Variants in ZNF608 observed in about 807,000 individuals in gnomAD.
The protein encoded by ZNF608 is zinc finger protein 608.
In ZNF608, 12 loss-of-function variants were observed where a neutral mutation model predicts 109.0. The observed-to-expected ratio is 0.11, with a 90% CI of 0.07 to 0.18. ZNF608 has a LOEUF of 0.18. Among genes scored for constraint, ZNF608 ranks in the 10% least tolerant of loss-of-function variants. ZNF608 has a pLI of 1.00. For missense variants in ZNF608, 1,707 were observed against 1,879.3 expected, an observed-to-expected ratio of 0.91 and a Z score of 1.70; for synonymous variants, 732 against 717.4, an observed-to-expected ratio of 1.02 and a Z score of -0.33.
intron 8 of ZNF608, among the ~76,000 whole-genome samples, chr5:124,640,386 C>T (rs536289443): frequency 4.3e-4 from 65 of 152,242 alleles, no homozygotes; most frequent in South Asian, 1.2e-3. Flanking sequence ...AGAAAGCACA[C>T]GAGGGCTCCC....
Position 124,745,027 on chromosome 5 carries a change from C to T in ZNF608, c.-38G>A, listed in dbSNP as rs1177365149. Reference sequence around the variant, plus strand: ...CTCTCTAGAATAAAAATCCGATGAACTTTTCTTTGGAGATGAGGGGACATT... The same window carrying T: ...CTCTCTAGAATAAAAATCCGATGAATTTTTCTTTGGAGATGAGGGGACATT... On this transcript the variant is annotated 5_prime_UTR_variant, in exon 2 of 10. Coordinates refer to ENST00000513986, the MANE Select transcript of ZNF608 (RefSeq NM_020747.3). 2.6e-6 allele frequency: 4 copies of T among 1,551,822 alleles called. No homozygotes were observed. The Admixed American group carries it at 5.9e-5, about 23-fold the overall frequency.
At chr5:124,702,161 T>C (rs1054326737) in intron 2 of ZNF608, among the ~76,000 whole-genome samples, 1 of 152,220 alleles carries the variant, frequency 6.6e-6, no homozygotes, top group Non-Finnish European at 1.5e-5. Flanking sequence ...GGCTATGCCA[T>C]GTACTAAACA....
chr5:124,737,547 CT>C (rs1749208354), intron 2 of ZNF608, among the ~76,000 whole-genome samples: 1 of 152,138 alleles, frequency 6.6e-6, no homozygotes. Context: ...TTTAGTTTCA[CT>C]GGGGGGAAAA....
At chr5:124,740,273 C>G (rs555251718) in intron 2 of ZNF608, among the ~76,000 whole-genome samples, 36 of 152,208 alleles carry the variant, frequency 2.4e-4, no homozygotes, top group African/African-American at 8.7e-4. Flanking sequence ...CTCAAAAAGC[C>G]CTGTCACCCT....
intron 3 of ZNF608, among the ~76,000 whole-genome samples, chr5:124,687,648 G>A (rs1021670963): frequency 3.3e-5 from 5 of 152,186 alleles, no homozygotes; most frequent in Middle Eastern, 3.4e-3. Context: ...TTGTGCCCAC[G>A]AGCCGAATTC....
intron 2 of ZNF608, among the ~76,000 whole-genome samples, chr5:124,724,772 T>C (rs1754072678): frequency 6.6e-6 from 1 of 152,128 alleles, no homozygotes; most frequent in African/African-American, 2.4e-5. Flanking sequence ...TGAAATCAGT[T>C]AATATAATTC....
intron 2 of ZNF608, 103 bp downstream of exon 2, chr5:124,743,981 C>G (rs1580729126): frequency 6.8e-7 from 1 of 1,464,338 alleles, no homozygotes; most frequent in Non-Finnish European, 9.1e-7. Flanking sequence ...TCACAAAGAA[C>G]CAGAAAGCAT....
At chr5:124,731,883 T>C (rs1226416678) in intron 2 of ZNF608, among the ~76,000 whole-genome samples, 5 of 152,172 alleles carry the variant, frequency 3.3e-5, no homozygotes, top group African/African-American at 7.2e-5. Context: ...ATCCAGTCTC[T>C]TTCCTCACTA....
intron 5 of ZNF608, among the ~76,000 whole-genome samples, chr5:124,645,283 T>A (rs747656815): frequency 6.6e-6 from 1 of 152,206 alleles, no homozygotes. Flanking sequence ...ACGTTATGGC[T>A]TCTCTATTGG....
At chr5:124,660,232 A>C (rs1751195012) in intron 3 of ZNF608, among the ~76,000 whole-genome samples, 1 of 152,120 alleles carries the variant, frequency 6.6e-6, no homozygotes, top group Non-Finnish European at 1.5e-5. Flanking sequence ...TATATGGCAC[A>C]CAAAGGGGTA....
At chr5:124,747,198 C>T (rs1237011447), upstream of ZNF608, among the ~76,000 whole-genome samples, 1 of 144,962 alleles carries the variant, frequency 6.9e-6, no homozygotes, top group Admixed American at 6.9e-5. Context: ...CGACCCTTTT[C>T]GGGAGTTTTT....
In ZNF608 at chr5:124,745,167, CT is replaced by C; in HGVS notation, c.-179del. ...TTTTACACCCTCAGTCCAGGTCCAC[CT>C]TTTCCTGTGAAGGGGGGGGGAAAAG... On this transcript the variant is annotated 5_prime_UTR_variant, in exon 2 of 10. Coordinates refer to ENST00000513986, the MANE Select transcript of ZNF608 (RefSeq NM_020747.3). 2 of 1,405,394 alleles carry C rather than the reference CT, an allele frequency of 1.4e-6. No individual in the cohort carries two copies. The highest frequency in any genetic ancestry group is 9.2e-7 in the Non-Finnish European group (1 of 1,089,858). The allele number at this position is 1,405,394 out of a possible 1,614,324, so 87.1% of individuals were successfully genotyped here. A position where few individuals can be genotyped will look rare whatever the true frequency, so the allele number is the denominator to read the frequency against.
At chr5:124,652,365 A>T (rs1750826041) in intron 3 of ZNF608, among the ~76,000 whole-genome samples, 1 of 152,122 alleles carries the variant, frequency 6.6e-6, no homozygotes, top group African/African-American at 2.4e-5. Flanking sequence ...TTCCAGAAGC[A>T]CTCCGTATTT....
chr5:124,644,249 T>C lies in ZNF608; in HGVS notation c.4118A>G (p.Tyr1373Cys), dbSNP rs140166215. 2 of 1,606,188 alleles carry C rather than the reference T, an allele frequency of 1.2e-6. No individual in the cohort carries two copies. The highest frequency in any genetic ancestry group is 1.7e-6 in the Non-Finnish European group (2 of 1,173,666). Residue 1373 changes from tyrosine to cysteine, a missense_variant, in exon 6 of 10, where the codon TAT becomes TGT. This residue lies in a region of ZNF608 where 1,073 missense variants were observed against 1,133.5 expected (regional missense o/e 0.95). Coordinates refer to ENST00000513986, the MANE Select transcript of ZNF608 (RefSeq NM_020747.3). ...RAVSPVLMHSYPGAYLSPGFH... is the reference protein window; with the variant it reads ...RAVSPVLMHSCPGAYLSPGFH... Reference sequence around the variant, plus strand: ...TCAGAACCGACAACACGTACCAGGATAACTGTGCATTAGGACGGGAGAAAC... The same window carrying C: ...TCAGAACCGACAACACGTACCAGGACAACTGTGCATTAGGACGGGAGAAAC...
chr5:124,708,535 T>G (rs1185682473), intron 2 of ZNF608, among the ~76,000 whole-genome samples: 6 of 152,226 alleles, frequency 3.9e-5, no homozygotes, highest in Admixed American at 1.3e-4. Context: ...TAGTTCAGAA[T>G]AGTGAATCTC....
At position 124,745,180 on chromosome 5, in the gene ZNF608, G is replaced by C. The variant is rs925943364; in HGVS notation, c.-183-8C>G. The C allele has an allele frequency of 2.4e-5, 18 of 753,368 alleles. No homozygotes were observed. The East Asian group carries it at 3.6e-3, about 153-fold the overall frequency. 46.7% of individuals were successfully genotyped at this position (753,368 alleles called of 1,614,324 possible). A position where few individuals can be genotyped will look rare whatever the true frequency, so the allele number is the denominator to read the frequency against. ...GTCCAGGTCCACCTTTTCCTGTGAA[G>C]GGGGGGGGAAAAGTCGAATATTTCT... On this transcript the variant is annotated splice_polypyrimidine_tract_variant and splice_region_variant and intron_variant, in intron 1 of 9. Coordinates refer to ENST00000513986, the MANE Select transcript of ZNF608 (RefSeq NM_020747.3).
intron 3 of ZNF608, among the ~76,000 whole-genome samples, chr5:124,691,394 G>C (rs1041276382): frequency 6.6e-6 from 1 of 152,118 alleles, no homozygotes; most frequent in Non-Finnish European, 1.5e-5. Context: ...TATCCACAAA[G>C]GAAATGCAAT....
At chr5:124,652,662 A>G (rs529890463) in intron 3 of ZNF608, among the ~76,000 whole-genome samples, 1 of 152,368 alleles carries the variant, frequency 6.6e-6, no homozygotes, top group South Asian at 2.1e-4. Flanking sequence ...TGTTTAGACA[A>G]CACCCCATTG....
intron 3 of ZNF608, among the ~76,000 whole-genome samples, chr5:124,667,329 T>TTTAA (rs1751519180): frequency 6.6e-6 from 1 of 152,164 alleles, no homozygotes; most frequent in Non-Finnish European, 1.5e-5. Context: ...GTTCCTATAG[T>TTTAA]TTAATTCCAC....
Sources: allele counts gnomAD v4.1 joint callset (sites outside exome capture counted in the v4.1 genomes callset), GRCh38; gene constraint gnomAD v4.1.1; regional missense constraint gnomAD v4.1.1; transcripts MANE v1.5; gene names NCBI Gene and HGNC (gene_info 2026-07-23, HGNC 2026-07-21).